Variants in ASCC2 observed in about 807,000 individuals in gnomAD.
ASCC2 encodes the protein activating signal cointegrator 1 complex subunit 2, also known as ASC-1 complex subunit P100.
A neutral mutation model predicts 93.5 loss-of-function variants in ASCC2; 42 were observed. That is an observed-to-expected ratio of 0.45 (90% CI 0.35 to 0.58). ASCC2 has a LOEUF of 0.58. Among genes scored for constraint, ASCC2 ranks in the 20% least tolerant of loss-of-function variants. The probability of loss-of-function intolerance (pLI) is 0.00; values close to 1 mark genes in which losing one functional copy is unlikely to be tolerated. For synonymous variants in ASCC2, 364 were observed against 384.2 expected (o/e 0.95, Z 0.62); for missense variants, 859 against 977.6 (o/e 0.88, Z 1.62).
At chr22:29,811,677 C>T (rs1286375100) in intron 8 of ASCC2, among the ~76,000 whole-genome samples, 2 of 152,156 alleles carry the variant, frequency 1.3e-5, no homozygotes, top group East Asian at 1.9e-4. Flanking sequence ...AAAGTGTTTC[C>T]CTTTCTTCCT....
At chr22:29,796,462 A>G (rs1250822833) in intron 15 of ASCC2, among the ~76,000 whole-genome samples, 1 of 152,096 alleles carries the variant, frequency 6.6e-6, no homozygotes, top group Non-Finnish European at 1.5e-5. Flanking sequence ...AAACAAAGGG[A>G]ATGAACTTGG....
intron 18 of ASCC2, among the ~76,000 whole-genome samples, chr22:29,791,992 A>G (rs759753720): frequency 6.6e-6 from 1 of 152,206 alleles, no homozygotes; most frequent in African/African-American, 2.4e-5. Flanking sequence ...TCTGTTCTGT[A>G]CGTTGAGGTT....
At chr22:29,822,580 C>A in intron 4 of ASCC2, 116 bp from the exon 5 acceptor site, 1 of 1,229,144 alleles carries the variant, frequency 8.1e-7, no homozygotes, top group Non-Finnish European at 1.1e-6. Context: ...GTTAATGATG[C>A]CTTATGCATA....
intron 13 of ASCC2, among the ~76,000 whole-genome samples, chr22:29,802,986 C>T (rs1430209525): frequency 1.3e-5 from 2 of 151,558 alleles, no homozygotes; most frequent in Non-Finnish European, 2.9e-5. Context: ...GGTGCTCATG[C>T]CTATAATCCC....
At chr22:29,818,025 C>A (rs1312234638) in intron 5 of ASCC2, among the ~76,000 whole-genome samples, 1 of 150,998 alleles carries the variant, frequency 6.6e-6, no homozygotes, top group African/African-American at 2.4e-5. Flanking sequence ...ACAATACCAG[C>A]CTTGAAAGTT....
At chr22:29,808,801 C>A (rs73161050) in intron 8 of ASCC2, among the ~76,000 whole-genome samples, 19,081 of 144,922 alleles carry the variant, frequency 0.13, 1,439 homozygotes, top group South Asian at 0.24. Flanking sequence ...GACAGTGAGA[C>A]CCTATCTCAA....
At position 29,804,934 on chromosome 22, in the gene ASCC2, T is replaced by A; in HGVS notation, c.1161-104A>T. 3.8e-6 allele frequency: 5 copies of A among 1,314,354 alleles called. No individual in the cohort carries two copies. In the South Asian group the frequency reaches 6.7e-5, roughly 18 times the overall value. 81.4% of individuals were successfully genotyped at this position (1,314,354 alleles called of 1,614,324 possible). A position where few individuals can be genotyped will look rare whatever the true frequency, so the allele number is the denominator to read the frequency against. Reference sequence around the variant, plus strand: ...TGACCACATGGTTCCTGCCAGGGGCTTTCTGGGCTATATCTAAGTGGTATA... The same window carrying A: ...TGACCACATGGTTCCTGCCAGGGGCATTCTGGGCTATATCTAAGTGGTATA... On this transcript the variant is annotated intron_variant, in intron 12 of 19. Transcript: ENST00000307790.
intron 4 of ASCC2, among the ~76,000 whole-genome samples, chr22:29,823,646 G>T (rs1381444545): frequency 6.6e-6 from 1 of 152,176 alleles, no homozygotes; most frequent in East Asian, 1.9e-4. Context: ...TCAGGAGTTC[G>T]GGATCAGCCT....
intron 15 of ASCC2, among the ~76,000 whole-genome samples, chr22:29,798,060 G>A (rs4823053): frequency 0.029 from 4,399 of 152,124 alleles, 122 homozygotes; most frequent in Admixed American, 0.077. Context: ...ACGCCCAGCC[G>A]GCACAGATAT....
At chr22:29,797,071 C>G (rs1402212504) in intron 15 of ASCC2, among the ~76,000 whole-genome samples, 1 of 152,142 alleles carries the variant, frequency 6.6e-6, no homozygotes, top group Non-Finnish European at 1.5e-5. Flanking sequence ...CAGGGAGATG[C>G]AACCTTGGCC....
intron 2 of ASCC2, among the ~76,000 whole-genome samples, chr22:29,829,381 T>C (rs1326422073): frequency 6.6e-6 from 1 of 152,160 alleles, no homozygotes; most frequent in South Asian, 2.1e-4. Flanking sequence ...GAACACCACC[T>C]GGCATTGAGC....
At chr22:29,823,784 T>C (rs1423490910) in intron 4 of ASCC2, among the ~76,000 whole-genome samples, 4 of 148,538 alleles carry the variant, frequency 2.7e-5, no homozygotes, top group Middle Eastern at 7.1e-3. Context: ...GAGGCGGAGG[T>C]TGCAGTGAGC....
At chr22:29,801,246 A>C in intron 14 of ASCC2, 136 bp from the exon 15 acceptor site, 18 of 1,185,832 alleles carry the variant, frequency 1.5e-5, no homozygotes, top group African/African-American at 3.1e-5. Flanking sequence ...CACAATCTCA[A>C]AACCTTGAAG....
intron 2 of ASCC2, among the ~76,000 whole-genome samples, chr22:29,831,821 C>T (rs554827047): frequency 1.3e-5 from 2 of 152,290 alleles, no homozygotes; most frequent in Admixed American, 6.5e-5. Context: ...AGATAAAAGA[C>T]GGCCCAACCT....
chr22:29,810,771 C>CA (rs2060193964), intron 8 of ASCC2, among the ~76,000 whole-genome samples: 1 of 151,470 alleles, frequency 6.6e-6, no homozygotes, highest in African/African-American at 2.4e-5. Flanking sequence ...CGCTCTGTTG[C>CA]CCAGGCTGGA....
At chr22:29,818,300 TG>T (rs1324581280) in intron 5 of ASCC2, among the ~76,000 whole-genome samples, 7 of 151,722 alleles carry the variant, frequency 4.6e-5, no homozygotes, top group Non-Finnish European at 1.0e-4. Context: ...CTGCTGTGTA[TG>T]TGTGTGTGAG....
intron 2 of ASCC2, among the ~76,000 whole-genome samples, chr22:29,830,704 T>C (rs1362654598): frequency 6.6e-6 from 1 of 152,218 alleles, no homozygotes; most frequent in Non-Finnish European, 1.5e-5. Flanking sequence ...TCTGTCTTTC[T>C]CTTAGGTCGT....
At chr22:29,801,891 A>G (rs2059127440) in intron 14 of ASCC2, 103 bp downstream of exon 14, 4 of 989,816 alleles carry the variant, frequency 4.0e-6, no homozygotes, top group Non-Finnish European at 4.5e-6. Flanking sequence ...GGAAGAGAGA[A>G]CAAGCTGAGT....
chr22:29,808,711 T>C (rs2059956044), intron 8 of ASCC2, among the ~76,000 whole-genome samples: 1 of 150,660 alleles, frequency 6.6e-6, no homozygotes, highest in African/African-American at 2.5e-5. Context: ...TAGCCCCAGC[T>C]ACTTGGGAGG....
Sources: allele counts gnomAD v4.1 joint callset (sites outside exome capture counted in the v4.1 genomes callset), GRCh38; gene constraint gnomAD v4.1.1; transcripts MANE v1.5; gene names NCBI Gene and HGNC (gene_info 2026-07-23, HGNC 2026-07-21).